Variants in SH3KBP1 observed in about 807,000 individuals in gnomAD.
The protein encoded by SH3KBP1 is SH3 domain-containing kinase-binding protein 1.
Under a neutral mutation model 50.1 loss-of-function variants are expected in SH3KBP1, and 8 were observed. The observed-to-expected ratio is 0.16, with a 90% confidence interval of 0.09 to 0.29. SH3KBP1 has a LOEUF of 0.29. Among genes scored for constraint, SH3KBP1 ranks in the 10% least tolerant of loss-of-function variants. The pLI is 1.00. For synonymous variants in SH3KBP1, 227 were observed against 218.6 expected (o/e 1.04, Z -0.34); for missense variants, 377 against 535.2 (o/e 0.70, Z 2.92).
chrX:19,611,102 T>C (rs1449840319), intron 8 of SH3KBP1, among the ~76,000 whole-genome samples: 2 of 110,479 alleles, frequency 1.8e-5, no homozygotes, highest in African/African-American at 6.6e-5. Flanking sequence ...CCCAGGCTGG[T>C]CTTGAACTCC....
chrX:19,564,148 C>G (rs1447285114), intron 13 of SH3KBP1, among the ~76,000 whole-genome samples: 1 of 111,619 alleles, frequency 9.0e-6, no homozygotes, highest in Admixed American at 9.5e-5. Context: ...AACCAATAGC[C>G]CCAAGTCAGG....
rs183888599 is a variant in SH3KBP1 at position 19,709,170 on chromosome X, G to A, written c.287-2186C>T. 2.5e-3 allele frequency among the ~76,000 whole-genome samples: 284 copies of A among 111,828 alleles called. 1 individual carries two copies. The highest frequency in any genetic ancestry group is 8.3e-3 in the African/African-American group (255 of 30,755). ...CTGGTGTCAGAAGAATGATGTCTTC[G>A]CTACTTTCTCTCTGCCAGGCTAGTC... On this transcript the variant is annotated intron_variant, in intron 3 of 17. Transcript: ENST00000397821.
intron 3 of SH3KBP1, among the ~76,000 whole-genome samples, chrX:19,722,574 GT>G (rs2064095514): frequency 1.4e-5 from 1 of 72,329 alleles, no homozygotes; most frequent in Non-Finnish European, 2.7e-5. Context: ...GCACTGGTGT[GT>G]GTGTGTGTGT....
chrX:19,787,155 T>C lies in SH3KBP1; in HGVS notation c.163-40714A>G, dbSNP rs149586151. ...CTAAGTTCCTCAGCAAAGCCTGCCT[T>C]GATCTTTCTGGTCCACAACAAGCAC... On this transcript the variant is annotated intron_variant, in intron 2 of 17. Coordinates refer to ENST00000397821, the MANE Select transcript of SH3KBP1 (RefSeq NM_031892.3). Among the ~76,000 whole-genome samples the C allele has an allele frequency of 5.2e-3, 577 of 111,737 alleles. 3 individuals carry two copies. The highest frequency in any genetic ancestry group is 0.018 in the African/African-American group (546 of 30,723).
intron 16 of SH3KBP1, among the ~76,000 whole-genome samples, chrX:19,540,611 C>T (rs2064856166): frequency 9.0e-6 from 1 of 111,256 alleles, no homozygotes; most frequent in African/African-American, 3.3e-5. Context: ...TTCTGCTGAC[C>T]CCAGACTGGC....
At chrX:19,760,041 C>CCTCTCTCTCTCTCTCTCTCCCTCTCT (rs2065352033) in intron 2 of SH3KBP1, among the ~76,000 whole-genome samples, 1 of 50,459 alleles carries the variant, frequency 2.0e-5, no homozygotes, top group Non-Finnish European at 3.6e-5. Context: ...TCTCTCTCTC[C>CCTCTCTCTCTCTCTCTCTCCCTCTCT]CTCTCTCTCT....
chrX:19,716,750 C>G, intron 3 of SH3KBP1, among the ~76,000 whole-genome samples: 1 of 111,394 alleles, frequency 9.0e-6, no homozygotes, highest in Admixed American at 9.5e-5. Flanking sequence ...CTAGGAGGTT[C>G]AGCATGCTGG....
At chrX:19,869,171 C>T (rs1332052314) in intron 1 of SH3KBP1, among the ~76,000 whole-genome samples, 1 of 111,928 alleles carries the variant, frequency 8.9e-6, no homozygotes, top group Non-Finnish European at 1.9e-5. Context: ...CTCAGCCCTG[C>T]CCACCCATTC....
At chrX:19,781,361 C>A (rs1007836563) in intron 2 of SH3KBP1, among the ~76,000 whole-genome samples, 2 of 110,971 alleles carry the variant, frequency 1.8e-5, no homozygotes, top group African/African-American at 3.3e-5. Flanking sequence ...CTCATGTCTG[C>A]AATCTCAGCA....
chrX:19,625,943 T>G (rs1205015037), intron 8 of SH3KBP1, among the ~76,000 whole-genome samples: 1 of 111,712 alleles, frequency 9.0e-6, no homozygotes, highest in African/African-American at 3.3e-5. Context: ...GGAAAGCTGC[T>G]TCAGCACTCT....
chrX:19,560,012 T>C (rs1361192393), intron 13 of SH3KBP1, among the ~76,000 whole-genome samples: 1 of 110,922 alleles, frequency 9.0e-6, no homozygotes, highest in African/African-American at 3.3e-5. Context: ...ATGAGCCAGG[T>C]GCAGTAGCAT....
At chrX:19,542,832 G>A (rs776480378) in intron 15 of SH3KBP1, among the ~76,000 whole-genome samples, 20 of 111,849 alleles carry the variant, frequency 1.8e-4, no homozygotes, top group African/African-American at 2.6e-4. Context: ...CTGCTAGACC[G>A]TCAGAGGGGG....
chrX:19,683,026 T>A (rs1371295462), intron 6 of SH3KBP1, among the ~76,000 whole-genome samples: 2 of 111,629 alleles, frequency 1.8e-5, no homozygotes, highest in African/African-American at 6.5e-5. Context: ...ATTTCAGCAC[T>A]AAATCGAATT....
intron 15 of SH3KBP1, among the ~76,000 whole-genome samples, chrX:19,543,005 C>T (rs927129126): frequency 1.8e-4 from 20 of 112,093 alleles, no homozygotes; most frequent in Non-Finnish European, 3.2e-4. Context: ...TCTTACACAA[C>T]GTAAGCTAGA....
At chrX:19,851,696 C>A (rs1001874416) in intron 1 of SH3KBP1, among the ~76,000 whole-genome samples, 1 of 111,669 alleles carries the variant, frequency 9.0e-6, no homozygotes, top group African/African-American at 3.3e-5. Flanking sequence ...GCCACCATGC[C>A]CAGATAATTA....
Position 19,700,089 on chromosome X carries a change from G to A in SH3KBP1, c.391-4348C>T, listed in dbSNP as rs200044046. Reference sequence around the variant, plus strand: ...CACTGGAGGGGTGGGTTTGAGGGAAGCCTGGGGTTAGGGGGATGCACCCAG... The same window carrying A: ...CACTGGAGGGGTGGGTTTGAGGGAAACCTGGGGTTAGGGGGATGCACCCAG... On this transcript the variant is annotated intron_variant, in intron 4 of 17. Coordinates refer to ENST00000397821, the MANE Select transcript of SH3KBP1 (RefSeq NM_031892.3). Among the ~76,000 whole-genome samples, 24 of 111,569 alleles carry A rather than the reference G, an allele frequency of 2.2e-4. No homozygotes were observed. The East Asian group carries it at 5.6e-3, about 26-fold the overall frequency.
intron 13 of SH3KBP1, among the ~76,000 whole-genome samples, chrX:19,556,228 C>T (rs1032171437): frequency 9.0e-6 from 1 of 110,809 alleles, no homozygotes; most frequent in South Asian, 3.8e-4. Context: ...ACACCATTAA[C>T]GGAGCTGTGG....
chrX:19,573,765 C>A, intron 12 of SH3KBP1, among the ~76,000 whole-genome samples: 2 of 110,253 alleles, frequency 1.8e-5, no homozygotes, highest in African/African-American at 6.6e-5. Context: ...TCATCTCTCC[C>A]GGGAACTGGT....
chrX:19,760,043 T>TCTCC (rs1267621202), intron 2 of SH3KBP1, among the ~76,000 whole-genome samples: 6 of 55,724 alleles, frequency 1.1e-4, no homozygotes, highest in African/African-American at 4.5e-4. Context: ...TCTCTCTCCC[T>TCTCC]CTCTCTCTCT....
Sources: allele counts gnomAD v4.1 joint callset (sites outside exome capture counted in the v4.1 genomes callset), GRCh38; gene constraint gnomAD v4.1.1; transcripts MANE v1.5; gene names NCBI Gene and HGNC (gene_info 2026-07-23, HGNC 2026-07-21).